Variants in UNC5A observed in about 807,000 individuals in gnomAD.
UNC5A encodes the protein netrin receptor UNC5A.
Under a neutral mutation model 87.4 loss-of-function variants are expected in UNC5A, and 20 were observed. That is an observed-to-expected ratio of 0.23 (90% CI 0.16 to 0.33). UNC5A has a LOEUF of 0.33. Among genes scored for constraint, UNC5A ranks in the 10% least tolerant of loss-of-function variants. The probability of loss-of-function intolerance (pLI) is 1.00; values close to 1 mark genes in which losing one functional copy is unlikely to be tolerated. For synonymous variants in UNC5A, 438 were observed against 482.3 expected, an observed-to-expected ratio of 0.91 and a Z score of 1.20; for missense variants, 844 against 1,133.4, an observed-to-expected ratio of 0.74 and a Z score of 3.67.
chr5:176,810,900 C>G lies in UNC5A; in HGVS notation c.70+80C>G. 8.7e-7 allele frequency: 1 copy of G among 1,145,602 alleles called. No individual in the cohort carries two copies. Among genetic ancestry groups the G allele is most frequent in the Non-Finnish European group, 1.1e-6 (1 of 925,364 alleles). The allele number at this position is 1,145,602 out of a possible 1,614,324, so 71.0% of individuals were successfully genotyped here. On this transcript the variant is annotated intron_variant, in intron 1 of 14. Transcript: ENST00000329542. The surrounding 1 kb of genome is among the most constrained non-coding windows in gnomAD (Gnocchi z 7.3). ...CGCTCGCTGCTCTGGGGGTCCCTGA[C>G]CAGCGCTGCCAGACCCGGCTGGGAG... is the stretch of plus-strand genomic sequence containing the variant.
intron 1 of UNC5A, among the ~76,000 whole-genome samples, chr5:176,860,008 G>C (rs1008457517): frequency 1.3e-5 from 2 of 152,226 alleles, no homozygotes; most frequent in Non-Finnish European, 2.9e-5. Context: ...ATTGTGCTGG[G>C]TTCACCAGGC....
In UNC5A at chr5:176,841,859, A is replaced by G. The variant is rs1757283016; in HGVS notation, c.71-20765A>G. Among the ~76,000 whole-genome samples the G allele has an allele frequency of 6.6e-6, 1 of 152,240 alleles. No homozygotes were observed. The highest frequency in any genetic ancestry group is 2.1e-4 in the South Asian group (1 of 4,830). On this transcript the variant is annotated intron_variant, in intron 1 of 14. Coordinates refer to ENST00000329542, the MANE Select transcript of UNC5A (RefSeq NM_133369.3). This position sits in a 1 kb window ranked among gnomAD's most constrained non-coding sequence, Gnocchi z 4.1. ...CTAATGATCAGGGAAATGCAAGTCA[A>G]AACCACAATGCGATACCACCTTACT...
At position 176,865,193 on chromosome 5, in the gene UNC5A, G is replaced by C. The variant is rs1266463733; in HGVS notation, c.292+2348G>C. Among the ~76,000 whole-genome samples the C allele has an allele frequency of 1.3e-5, 2 of 152,210 alleles. No individual in the cohort carries two copies. The highest frequency in any genetic ancestry group is 2.9e-5 in the Non-Finnish European group (2 of 68,034). Reference sequence around the variant, plus strand: ...CATAAGTTCTCCCACTGCTGTGGCAGGTCCCCCAGGGAAAGCACAGCCAGA... The same window carrying C: ...CATAAGTTCTCCCACTGCTGTGGCACGTCCCCCAGGGAAAGCACAGCCAGA... On this transcript the variant is annotated intron_variant, in intron 2 of 14. Coordinates refer to ENST00000329542, the MANE Select transcript of UNC5A (RefSeq NM_133369.3). This position sits in a 1 kb window ranked among gnomAD's most constrained non-coding sequence, Gnocchi z 5.3.
chr5:176,812,936 G>T (rs977886366), intron 1 of UNC5A, among the ~76,000 whole-genome samples: 1 of 152,178 alleles, frequency 6.6e-6, no homozygotes, highest in Non-Finnish European at 1.5e-5. Context: ...TTTTGCCTCC[G>T]TTGCAACAGC....
chr5:176,826,628 T>C (rs1003622954), intron 1 of UNC5A, among the ~76,000 whole-genome samples: 4 of 147,584 alleles, frequency 2.7e-5, no homozygotes, highest in African/African-American at 7.4e-5. Flanking sequence ...TTCTATCTAG[T>C]TTCCAAACTT....
At position 176,844,075 on chromosome 5, in the gene UNC5A, C is replaced by T. The variant is rs690781; in HGVS notation, c.71-18549C>T. Among the ~76,000 whole-genome samples the T allele has an allele frequency of 2.6e-5, 4 of 152,104 alleles. No homozygotes were observed. The highest frequency in any genetic ancestry group is 2.1e-4 in the South Asian group (1 of 4,826). On this transcript the variant is annotated intron_variant, in intron 1 of 14. Transcript: ENST00000329542. This position sits in a 1 kb window ranked among gnomAD's most constrained non-coding sequence, Gnocchi z 4.2. ...GACAGGAGGCAGGGGACGGGGAGGA[C>T]GAGGAGGAGGGGCCCTGAGACATGG...
chr5:176,852,236 GCTCACACACA>G (rs1386557821), intron 1 of UNC5A, among the ~76,000 whole-genome samples: 1 of 151,924 alleles, frequency 6.6e-6, no homozygotes, highest in African/African-American at 2.4e-5. Flanking sequence ...GGTGAGGGAG[GCTCACACACA>G]CTCACACACA....
chr5:176,839,866 G>GT, intron 1 of UNC5A, among the ~76,000 whole-genome samples: 1 of 146,444 alleles, frequency 6.8e-6, no homozygotes, highest in Non-Finnish European at 1.5e-5. Flanking sequence ...GCCCAGGCTG[G>GT]AATGCAGTGG....
Position 176,874,199 on chromosome 5 carries a change from C to T in UNC5A, c.1075+43C>T, listed in dbSNP as rs774160384. 20 of 1,601,252 alleles carry T rather than the reference C, an allele frequency of 1.2e-5. No individual in the cohort carries two copies. Among genetic ancestry groups the T allele is most frequent in the Admixed American group, 3.4e-5 (2 of 59,012 alleles). ...CCCAGCACTCCTGCCCCAGCTCCCA[C>T]GCCAAGGGCTGCTGGGGCAGGGATG... On this transcript the variant is annotated intron_variant, in intron 7 of 14. Transcript: ENST00000329542. The surrounding 1 kb of genome is among the most constrained non-coding windows in gnomAD (Gnocchi z 7.6).
chr5:176,846,932 G>A (rs534370124), intron 1 of UNC5A, among the ~76,000 whole-genome samples: 2 of 152,188 alleles, frequency 1.3e-5, no homozygotes, highest in East Asian at 1.9e-4. Flanking sequence ...CAGCAGGGGC[G>A]GACGTGCTTG....
chr5:176,823,573 C>T (rs1349288367), intron 1 of UNC5A, among the ~76,000 whole-genome samples: 1 of 151,908 alleles, frequency 6.6e-6, no homozygotes, highest in African/African-American at 2.4e-5. Context: ...TCTGTGAAGC[C>T]CTACGGGGTA....
At chr5:176,819,075 G>A (rs1432360826) in intron 1 of UNC5A, among the ~76,000 whole-genome samples, 1 of 152,242 alleles carries the variant, frequency 6.6e-6, no homozygotes, top group African/African-American at 2.4e-5. Flanking sequence ...GGGCCGCACA[G>A]GTTGGGGGAG....
chr5:176,839,864 T>G (rs1331834532), intron 1 of UNC5A, among the ~76,000 whole-genome samples: 1 of 141,688 alleles, frequency 7.1e-6, no homozygotes, highest in Non-Finnish European at 1.5e-5. Context: ...TCGCCCAGGC[T>G]GGAATGCAGT....
chr5:176,851,265 A>C (rs1007396375), intron 1 of UNC5A, among the ~76,000 whole-genome samples: 2 of 152,194 alleles, frequency 1.3e-5, no homozygotes, highest in Non-Finnish European at 2.9e-5. Context: ...TGTCAAGTTC[A>C]CCATGGCTGT....
chr5:176,818,229 G>T (rs954008557), intron 1 of UNC5A, among the ~76,000 whole-genome samples: 1 of 152,202 alleles, frequency 6.6e-6, no homozygotes, highest in African/African-American at 2.4e-5. Flanking sequence ...GGAGGGGAAC[G>T]TCCCCATAAC....
In UNC5A at chr5:176,825,913, G is replaced by A. The variant is rs148055785; in HGVS notation, c.70+15093G>A. Among the ~76,000 whole-genome samples, 289 of 152,352 alleles carry A rather than the reference G, an allele frequency of 1.9e-3. 2 individuals are homozygous for A. The highest frequency in any genetic ancestry group is 6.5e-3 in the African/African-American group (270 of 41,586). On this transcript the variant is annotated intron_variant, in intron 1 of 14. Transcript: ENST00000329542. Reference sequence around the variant, plus strand: ...GGTGCCACAGATGAGCATGAGGGCCGTGTGACCATGAGGGAGCTGGAAGCA... The same window carrying A: ...GGTGCCACAGATGAGCATGAGGGCCATGTGACCATGAGGGAGCTGGAAGCA...
chr5:176,837,807 T>G (rs1161181526), intron 1 of UNC5A, among the ~76,000 whole-genome samples: 1 of 151,228 alleles, frequency 6.6e-6, no homozygotes, highest in Non-Finnish European at 1.5e-5. Context: ...GCTCCACAGA[T>G]AGCGGTCCTG....
chr5:176,868,991 G>A, intron 5 of UNC5A, 27 bp downstream of exon 5: 28 of 1,576,070 alleles, frequency 1.8e-5, no homozygotes, highest in Non-Finnish European at 2.3e-5. Flanking sequence ...CCTGGTCACA[G>A]GGAGAGGCAC....
In UNC5A at chr5:176,842,492, G is replaced by GATATATATATATATATATATAT. The variant is rs35268512; in HGVS notation, c.71-20114_71-20113insATATATATATATATATATATAT. On this transcript the variant is annotated intron_variant, in intron 1 of 14. Coordinates refer to ENST00000329542, the MANE Select transcript of UNC5A (RefSeq NM_133369.3). The stretch of plus-strand genomic sequence containing the variant: ...GTCAATCAACAAATGGAGAAACTGT[G>GATATATATATATATATATATAT]ATATATATATATATATATGATGGAA... 2.9e-3 allele frequency among the ~76,000 whole-genome samples: 418 copies of GATATATATATATATATATATAT among 145,508 alleles called. 5 individuals carry two copies. The highest frequency in any genetic ancestry group is 0.011 in the African/African-American group (396 of 37,618).
Sources: gnomAD v4.1 joint callset for allele counts (sites outside exome capture counted in the v4.1 genomes callset) on GRCh38, gnomAD v4.1.1 for gene constraint, Gnocchi (gnomAD v3.1) non-coding constraint, MANE v1.5 for transcripts, NCBI Gene and HGNC (gene_info 2026-07-23, HGNC 2026-07-21) for gene names.